The following AKAP6 variants were observed in gnomAD, a reference collection of about 807,000 sequenced individuals.
AKAP6 encodes A-kinase anchoring protein 6.
AKAP6 carries 58 observed loss-of-function variants against 188.5 expected under a neutral mutation model. The ratio of observed to expected loss-of-function variants is 0.31; its 90% CI spans 0.25 to 0.38. The LOEUF (loss-of-function observed/expected upper bound fraction) is 0.38, where lower values mean the gene tolerates loss of function less well. Among genes scored for constraint, AKAP6 ranks in the 10% least tolerant of loss-of-function variants. The probability of loss-of-function intolerance (pLI) is 1.00; values close to 1 mark genes in which losing one functional copy is unlikely to be tolerated. For synonymous variants in AKAP6, 989 were observed against 998.6 expected, an observed-to-expected ratio of 0.99 and a Z score of 0.18; for missense variants, 2,710 against 2,740.0, an observed-to-expected ratio of 0.99 and a Z score of 0.24.
intron 7 of AKAP6, among the ~76,000 whole-genome samples, chr14:32,676,972 T>C (rs1046744436): frequency 1.3e-5 from 2 of 152,202 alleles, no homozygotes; most frequent in African/African-American, 4.8e-5. Flanking sequence ...TAGCTGGGAC[T>C]ACAGGCATGC....
At chr14:32,582,316 A>G (rs1349728303) in intron 5 of AKAP6, among the ~76,000 whole-genome samples, 2 of 152,256 alleles carry the variant, frequency 1.3e-5, no homozygotes, top group Middle Eastern at 3.4e-3. Context: ...AATGTTGAAT[A>G]TTGGCCCCCA....
chr14:32,482,973 C>G (rs10141462), intron 2 of AKAP6, among the ~76,000 whole-genome samples: 2 of 145,344 alleles, frequency 1.4e-5, no homozygotes, highest in Non-Finnish European at 1.5e-5. Flanking sequence ...GTGTGTGTGT[C>G]TGTGTGTGTG....
At chr14:32,456,418 C>A (rs547703375) in intron 2 of AKAP6, among the ~76,000 whole-genome samples, 117 of 152,128 alleles carry the variant, frequency 7.7e-4, no homozygotes, top group Admixed American at 2.6e-3. Context: ...TTTACAAAAA[C>A]CAAAATACAA....
chr14:32,419,796 G>T (rs1222044421), intron 1 of AKAP6, among the ~76,000 whole-genome samples: 1 of 151,882 alleles, frequency 6.6e-6, no homozygotes, highest in Non-Finnish European at 1.5e-5. Flanking sequence ...TGTTTTAGGA[G>T]TGGATAGACA....
At chr14:32,485,405 T>A (rs1879628409) in intron 2 of AKAP6, among the ~76,000 whole-genome samples, 1 of 152,124 alleles carries the variant, frequency 6.6e-6, no homozygotes. Context: ...TCCACAATGG[T>A]TGAAATAATT....
intron 2 of AKAP6, among the ~76,000 whole-genome samples, chr14:32,497,633 A>T (rs1398110580): frequency 2.0e-5 from 3 of 152,050 alleles, no homozygotes; most frequent in African/African-American, 7.2e-5. Flanking sequence ...AAATGGCACT[A>T]GGTCAAGTTG....
chr14:32,390,187 T>C (rs1356276758), intron 1 of AKAP6, among the ~76,000 whole-genome samples: 1 of 152,172 alleles, frequency 6.6e-6, no homozygotes, highest in Non-Finnish European at 1.5e-5. Context: ...TGTCCATTGT[T>C]TCCTGAAGTT....
chr14:32,526,379 C>T (rs1217548725), intron 2 of AKAP6, among the ~76,000 whole-genome samples: 3 of 152,110 alleles, frequency 2.0e-5, no homozygotes, highest in African/African-American at 4.8e-5. Flanking sequence ...ATGACAGGCA[C>T]CTGCCACCAT....
intron 7 of AKAP6, among the ~76,000 whole-genome samples, chr14:32,635,640 CA>C (rs1456396547): frequency 6.6e-6 from 1 of 151,908 alleles, no homozygotes; most frequent in African/African-American, 2.4e-5. Context: ...TAAAAATAGA[CA>C]GTGGATATGT....
At chr14:32,565,333 T>C (rs1473352141) in intron 4 of AKAP6, among the ~76,000 whole-genome samples, 1 of 152,256 alleles carries the variant, frequency 6.6e-6, no homozygotes, top group Non-Finnish European at 1.5e-5. Context: ...ATTCTCCTTC[T>C]GAATTTTGTA....
intron 1 of AKAP6, among the ~76,000 whole-genome samples, chr14:32,336,998 G>A (rs1049256815): frequency 1.3e-5 from 2 of 152,160 alleles, no homozygotes; most frequent in Admixed American, 1.3e-4. Flanking sequence ...CTTGCTTTTA[G>A]CTTTTAATAG....
chr14:32,510,402 A>ATG (rs1555335122), intron 2 of AKAP6, among the ~76,000 whole-genome samples: 1 of 129,170 alleles, frequency 7.7e-6, no homozygotes, highest in African/African-American at 3.1e-5. Flanking sequence ...GTGTATATAT[A>ATG]TGTATATATA....
intron 11 of AKAP6, among the ~76,000 whole-genome samples, chr14:32,771,826 C>A (rs552793594): frequency 6.6e-6 from 1 of 152,152 alleles, no homozygotes; most frequent in Non-Finnish European, 1.5e-5. Flanking sequence ...TTTGATTTTT[C>A]TAGGCCTTTA....
intron 2 of AKAP6, among the ~76,000 whole-genome samples, chr14:32,476,979 G>A (rs370377764): frequency 3.3e-5 from 5 of 152,166 alleles, no homozygotes; most frequent in South Asian, 2.1e-4. Flanking sequence ...AGATTCAAAG[G>A]TTTCCTGATT....
chr14:32,394,492 A>T (rs1888811250), intron 1 of AKAP6, among the ~76,000 whole-genome samples: 2 of 152,160 alleles, frequency 1.3e-5, no homozygotes, highest in Non-Finnish European at 2.9e-5. Context: ...AAAAGAATAA[A>T]ATAAAAAATG....
chr14:32,508,738 T>G (rs957468481), intron 2 of AKAP6, among the ~76,000 whole-genome samples: 6 of 152,200 alleles, frequency 3.9e-5, no homozygotes, highest in African/African-American at 1.4e-4. Context: ...TAGAATATGA[T>G]CTAGAAAATT....
chr14:32,821,256 G>A, intron 12 of AKAP6, 146 bp from the exon 13 acceptor site: 1 of 780,032 alleles, frequency 1.3e-6, no homozygotes, highest in South Asian at 2.1e-5. Context: ...TTTCAGAGAG[G>A]AATAGAGTTG....
intron 5 of AKAP6, 67 bp downstream of exon 5, chr14:32,577,309 A>G (rs1364415869): frequency 1.3e-6 from 2 of 1,558,456 alleles, no homozygotes; most frequent in East Asian, 2.3e-5. Flanking sequence ...TTGTTTGTTT[A>G]TGAGAAATAT....
At chr14:32,566,115 A>G (rs1299734712) in intron 4 of AKAP6, among the ~76,000 whole-genome samples, 1 of 152,130 alleles carries the variant, frequency 6.6e-6, no homozygotes, top group Non-Finnish European at 1.5e-5. Context: ...TTTCATATCA[A>G]CACTAAATGT....
Sources: gnomAD v4.1 joint callset for allele counts (sites outside exome capture counted in the v4.1 genomes callset) on GRCh38, gnomAD v4.1.1 for gene constraint, MANE v1.5 for transcripts, NCBI Gene and HGNC (gene_info 2026-07-23, HGNC 2026-07-21) for gene names.